SPHKAP: variants seen among roughly 807,000 people sequenced by gnomAD.
SPHKAP encodes the protein SPHK1 interactor, AKAP domain containing, also known as A-kinase anchor protein SPHKAP.
In SPHKAP, 67 loss-of-function variants were observed where a neutral mutation model predicts 137.5. The observed-to-expected ratio is 0.49, with a 90% CI of 0.40 to 0.60. The LOEUF (loss-of-function observed/expected upper bound fraction) is 0.60, where lower values mean the gene tolerates loss of function less well. Among genes scored for constraint, SPHKAP ranks in the 20% least tolerant of loss-of-function variants. SPHKAP has a pLI of 0.00. For synonymous variants in SPHKAP, 813 were observed against 785.3 expected (o/e 1.04, Z -0.59); for missense variants, 2,097 against 2,069.3 (o/e 1.01, Z -0.26).
chr2:228,001,478 TATATATAC>T, intron 7 of SPHKAP, among the ~76,000 whole-genome samples: 1 of 143,126 alleles, frequency 7.0e-6, no homozygotes, highest in Admixed American at 7.2e-5. Flanking sequence ...TATATAAAAA[TATATATAC>T]GTATATATAA....
intron 7 of SPHKAP, 101 bp from the exon 8 acceptor site, chr2:227,995,795 A>C: frequency 7.3e-7 from 1 of 1,363,090 alleles, no homozygotes; most frequent in Non-Finnish European, 9.7e-7. Context: ...ACAGGATGTC[A>C]CTGGACACAG....
intron 3 of SPHKAP, among the ~76,000 whole-genome samples, chr2:228,081,928 G>A (rs1697376452): frequency 6.6e-6 from 1 of 152,062 alleles, no homozygotes; most frequent in African/African-American, 2.4e-5. Context: ...AAATTGCTAA[G>A]AAAGTAAATT....
chr2:228,140,489 A>G (rs145926950), intron 1 of SPHKAP, among the ~76,000 whole-genome samples: 58 of 152,222 alleles, frequency 3.8e-4, no homozygotes, highest in African/African-American at 1.3e-3. Context: ...ATTTACCCTC[A>G]TTTAATGCAC....
intron 3 of SPHKAP, among the ~76,000 whole-genome samples, chr2:228,071,885 C>T (rs963578871): frequency 1.3e-5 from 2 of 152,080 alleles, no homozygotes; most frequent in Admixed American, 6.6e-5. Flanking sequence ...GTCAACTTAA[C>T]TGGGCCACTG....
At chr2:228,046,969 A>C (rs1696084584) in intron 3 of SPHKAP, among the ~76,000 whole-genome samples, 1 of 152,216 alleles carries the variant, frequency 6.6e-6, no homozygotes, top group South Asian at 2.1e-4. Flanking sequence ...AAGCAGAATA[A>C]AAGCATAAAA....
chr2:227,992,064 T>C (rs987285548), intron 9 of SPHKAP, among the ~76,000 whole-genome samples: 1 of 152,138 alleles, frequency 6.6e-6, no homozygotes, highest in Non-Finnish European at 1.5e-5. Context: ...GAGGACTTGG[T>C]AAATGTTTCT....
intron 5 of SPHKAP, among the ~76,000 whole-genome samples, chr2:228,024,342 GTTTTTTTTTTT>G (rs56031418): frequency 5.6e-5 from 7 of 124,522 alleles, no homozygotes; most frequent in African/African-American, 2.2e-4. Flanking sequence ...TGCAGAGGCA[GTTTTTTTTTTT>G]TTTTTTTTAA....
At chr2:228,170,749 T>A (rs1035722292) in intron 1 of SPHKAP, among the ~76,000 whole-genome samples, 2 of 152,070 alleles carry the variant, frequency 1.3e-5, no homozygotes, top group South Asian at 4.1e-4. Flanking sequence ...ACCAAAAAAA[T>A]TTTGTGCCTT....
At chr2:228,160,981 A>G (rs1168187057) in intron 1 of SPHKAP, among the ~76,000 whole-genome samples, 2 of 152,228 alleles carry the variant, frequency 1.3e-5, no homozygotes, top group Non-Finnish European at 2.9e-5. Context: ...CTGTAGATGC[A>G]AGAGTGACAA....
At chr2:228,103,034 C>T (rs549094424) in intron 3 of SPHKAP, among the ~76,000 whole-genome samples, 33 of 152,230 alleles carry the variant, frequency 2.2e-4, no homozygotes, top group African/African-American at 7.0e-4. Context: ...TGTGAGCCAC[C>T]GCACCAGGCC....
chr2:228,062,086 A>G (rs572581656), intron 3 of SPHKAP, among the ~76,000 whole-genome samples: 51 of 152,298 alleles, frequency 3.3e-4, no homozygotes, highest in Middle Eastern at 3.4e-3. Flanking sequence ...TTTTTGGCTC[A>G]AGAAAACCCA....
chr2:228,001,410 TATATATAAATATATAC>T (rs1411959238), intron 7 of SPHKAP, among the ~76,000 whole-genome samples: 4 of 140,446 alleles, frequency 2.8e-5, no homozygotes, highest in East Asian at 4.0e-4. Context: ...TATACATAAA[TATATATAAATATATAC>T]ATATATAAAT....
rs868199262 is a variant in SPHKAP, at chr2:228,015,108, C to T, written c.4448+1298G>A. On this transcript the variant is annotated intron_variant, in intron 7 of 11. Coordinates refer to ENST00000392056, the MANE Select transcript of SPHKAP (RefSeq NM_001142644.2). ...ACAACAGTCCCCAGAGTGTGATGTT[C>T]CCCTTCCTGTGTCCATGTGTTCTCA... Among the ~76,000 whole-genome samples the T allele has an allele frequency of 3.2e-3, 443 of 139,752 alleles. 3 individuals carry two copies. The highest frequency in any genetic ancestry group is 0.011 in the African/African-American group (411 of 37,470). The allele number at this position is 139,752 out of a possible 152,430, so 91.7% of individuals were successfully genotyped here.
chr2:228,066,528 C>T (rs1696833313), intron 3 of SPHKAP, among the ~76,000 whole-genome samples: 1 of 152,184 alleles, frequency 6.6e-6, no homozygotes, highest in South Asian at 2.1e-4. Flanking sequence ...TCCCCTTTCA[C>T]AGTCAAGCTG....
rs555361821 is a variant in SPHKAP, at chr2:228,034,648, C to A, written c.247-7105G>T. 1.5e-3 allele frequency among the ~76,000 whole-genome samples: 221 copies of A among 152,194 alleles called. 1 individual carries two copies. Among genetic ancestry groups the A allele is most frequent in the Non-Finnish European group, 2.4e-3 (160 of 68,022 alleles). ...AATCCTCAATAAAATATTGGCAAAC[C>A]GAATCCAGCAGCACATCAAAAAGCT... is the stretch of plus-strand genomic sequence containing the variant. On this transcript the variant is annotated intron_variant, in intron 3 of 11. Coordinates refer to ENST00000392056, the MANE Select transcript of SPHKAP (RefSeq NM_001142644.2).
chr2:228,158,007 T>A (rs1334058220), intron 1 of SPHKAP, among the ~76,000 whole-genome samples: 1 of 152,202 alleles, frequency 6.6e-6, no homozygotes, highest in African/African-American at 2.4e-5. Context: ...CACAACAGCA[T>A]GTCAAGCTTA....
At chr2:228,002,418 T>G (rs546889724) in intron 7 of SPHKAP, among the ~76,000 whole-genome samples, 8 of 151,192 alleles carry the variant, frequency 5.3e-5, no homozygotes, top group African/African-American at 2.0e-4. Flanking sequence ...GATGAGGTTG[T>G]TTTTTTTCCT....
At chr2:228,042,603 T>G (rs1574791600) in intron 3 of SPHKAP, among the ~76,000 whole-genome samples, 2 of 152,214 alleles carry the variant, frequency 1.3e-5, no homozygotes, top group East Asian at 3.9e-4. Context: ...TAGAATAATA[T>G]GTAGTTTTTT....
intron 1 of SPHKAP, among the ~76,000 whole-genome samples, chr2:228,167,471 A>G (rs938019224): frequency 6.6e-6 from 1 of 152,180 alleles, no homozygotes; most frequent in African/African-American, 2.4e-5. Flanking sequence ...AAAAATATTC[A>G]GGATATATTA....
Sources: allele counts gnomAD v4.1 joint callset (sites outside exome capture counted in the v4.1 genomes callset), GRCh38; gene constraint gnomAD v4.1.1; transcripts MANE v1.5; gene names NCBI Gene and HGNC (gene_info 2026-07-23, HGNC 2026-07-21).